SPAG17: variants seen among roughly 807,000 people sequenced by gnomAD.
The protein encoded by SPAG17 is sperm associated antigen 17, also known as sperm-associated antigen 17.
In SPAG17, 169 loss-of-function variants were observed where a neutral mutation model predicts 273.6. The observed-to-expected ratio is 0.62, with a 90% CI of 0.55 to 0.70. The LOEUF (loss-of-function observed/expected upper bound fraction) is 0.70, where lower values mean the gene tolerates loss of function less well. SPAG17 is among the 30% of genes least tolerant of loss of function. The pLI is 0.00. For missense variants in SPAG17, 2,557 were observed against 2,627.8 expected (o/e 0.97, Z 0.59); for synonymous variants, 825 against 873.2 (o/e 0.94, Z 0.97).
At chr1:117,964,502 CTTTGGCTAGTTT>C (rs1653559032) in intron 47 of SPAG17, 1 of 152,016 alleles carries the variant, frequency 6.6e-6, no homozygotes, top group African/African-American at 2.4e-5. Context: ...AAAACTAGTT[CTTTGGCTAGTTT>C]CCTTCTGTCA....
chr1:118,170,317 T>C (rs1660361125), intron 1 of SPAG17, among the ~76,000 whole-genome samples: 1 of 152,158 alleles, frequency 6.6e-6, no homozygotes, highest in Admixed American at 6.5e-5. Context: ...ATGAAATACA[T>C]AGCAACTACT....
At chr1:117,996,265 G>C in intron 34 of SPAG17, 105 bp downstream of exon 34, 2 of 1,362,898 alleles carry the variant, frequency 1.5e-6, no homozygotes, top group Non-Finnish European at 2.0e-6. Context: ...GCAGAAAAGT[G>C]AGCAAAGCGG....
chr1:118,135,370 AATGTGT>A (rs1658281844), intron 3 of SPAG17, among the ~76,000 whole-genome samples: 1 of 125,820 alleles, frequency 7.9e-6, no homozygotes, highest in Non-Finnish European at 1.7e-5. Context: ...CAGCTCAAGC[AATGTGT>A]GTGTGTGTGT....
At chr1:118,147,787 T>C (rs1193613409) in intron 3 of SPAG17, among the ~76,000 whole-genome samples, 6 of 152,218 alleles carry the variant, frequency 3.9e-5, no homozygotes, top group Non-Finnish European at 8.8e-5. Context: ...ATGTGGTCTT[T>C]GCTAGCCCAG....
intron 1 of SPAG17, among the ~76,000 whole-genome samples, chr1:118,161,101 G>T (rs950731817): frequency 3.9e-5 from 6 of 152,192 alleles, no homozygotes; most frequent in African/African-American, 9.6e-5. Context: ...CAAACTAAGG[G>T]ATACACAAAA....
At chr1:118,145,581 G>A (rs781648366) in intron 3 of SPAG17, among the ~76,000 whole-genome samples, 5 of 151,930 alleles carry the variant, frequency 3.3e-5, no homozygotes, top group Non-Finnish European at 5.9e-5. Flanking sequence ...TCTAATATCA[G>A]AAAAATCTTT....
At chr1:118,006,614 T>C (rs1044682586) in intron 31 of SPAG17, among the ~76,000 whole-genome samples, 3 of 152,200 alleles carry the variant, frequency 2.0e-5, no homozygotes, top group African/African-American at 4.8e-5. Context: ...AGGAGTGGAA[T>C]TGCTGGGTCA....
chr1:118,108,809 A>T (rs910728883), intron 4 of SPAG17, among the ~76,000 whole-genome samples: 3 of 152,036 alleles, frequency 2.0e-5, no homozygotes, highest in African/African-American at 7.2e-5. Context: ...TAAGTTACAT[A>T]GCATATGTGA....
intron 3 of SPAG17, among the ~76,000 whole-genome samples, chr1:118,136,720 A>G (rs1254320949): frequency 6.6e-6 from 1 of 152,206 alleles, no homozygotes; most frequent in African/African-American, 2.4e-5. Context: ...GCTTTCAGAA[A>G]GGGAAAGCAC....
rs552233157 is a variant in SPAG17 at position 118,086,800 on chromosome 1, C to T, written c.1498-16G>A. On this transcript the variant is annotated splice_polypyrimidine_tract_variant and intron_variant, in intron 11 of 48. Coordinates refer to ENST00000336338, the MANE Select transcript of SPAG17 (RefSeq NM_206996.4). ...CATGAAGATTCTATGCAAATTGAAA[C>T]AATATTGATTTAAAGAGAGGATCTA... 3.1e-6 allele frequency: 5 copies of T among 1,613,966 alleles called. No individual in the cohort carries two copies. Among genetic ancestry groups the T allele is most frequent in the East Asian group, 4.5e-5 (2 of 44,872 alleles).
chr1:117,971,571 CT>C (rs1174140932), intron 45 of SPAG17, among the ~76,000 whole-genome samples: 11 of 152,156 alleles, frequency 7.2e-5, no homozygotes, highest in African/African-American at 2.4e-4. Flanking sequence ...CAACCTCCCC[CT>C]TTTTTTCCAC....
intron 7 of SPAG17, among the ~76,000 whole-genome samples, chr1:118,093,846 C>T (rs1570681871): frequency 6.6e-6 from 1 of 152,216 alleles, no homozygotes; most frequent in Non-Finnish European, 1.5e-5. Context: ...TTCCTTTCAC[C>T]TGTTCTACCT....
intron 42 of SPAG17, among the ~76,000 whole-genome samples, chr1:117,982,946 T>C (rs1207985379): frequency 6.6e-6 from 1 of 152,204 alleles, no homozygotes; most frequent in Non-Finnish European, 1.5e-5. Flanking sequence ...TTTTTCTCTG[T>C]TTCCTCTTGA....
chr1:118,106,579 G>A (rs1480530511), intron 4 of SPAG17, among the ~76,000 whole-genome samples: 3 of 152,172 alleles, frequency 2.0e-5, no homozygotes, highest in Admixed American at 6.5e-5. Context: ...CATGTTGGTA[G>A]ACAGCTGGCC....
At chr1:118,128,415 G>A (rs1483327450) in intron 3 of SPAG17, among the ~76,000 whole-genome samples, 2 of 151,966 alleles carry the variant, frequency 1.3e-5, no homozygotes, top group Non-Finnish European at 2.9e-5. Flanking sequence ...GATTGCTCTG[G>A]CTAGGACTTC....
chr1:118,056,980 C>CT lies in SPAG17; in HGVS notation c.2541-1067dup, dbSNP rs1173288943. On this transcript the variant is annotated intron_variant, in intron 18 of 48. Transcript: ENST00000336338. ...ATTACTCTTATTTTCTATTTTCTTT[C>CT]TTTTTTTTTTTTGAGACTGAGTCTC... Among the ~76,000 whole-genome samples the CT allele has an allele frequency of 8.9e-3, 1,295 of 145,064 alleles. 12 individuals carry two copies. Among genetic ancestry groups the CT allele is most frequent in the African/African-American group, 0.029 (1,147 of 39,806 alleles).
intron 1 of SPAG17, among the ~76,000 whole-genome samples, chr1:118,182,050 C>T (rs187822426): frequency 2.4e-4 from 37 of 152,006 alleles, no homozygotes; most frequent in Admixed American, 2.4e-3. Flanking sequence ...TTAGCACACC[C>T]ACAGCCAAGA....
intron 32 of SPAG17, among the ~76,000 whole-genome samples, chr1:118,001,165 A>G (rs1300807874): frequency 6.6e-6 from 1 of 152,158 alleles, no homozygotes; most frequent in Admixed American, 6.5e-5. Flanking sequence ...CATCCTGTGA[A>G]TGAAGCCGAC....
intron 3 of SPAG17, among the ~76,000 whole-genome samples, chr1:118,134,347 T>C (rs1274430061): frequency 1.3e-5 from 2 of 152,184 alleles, no homozygotes; most frequent in African/African-American, 4.8e-5. Context: ...TATAATATAA[T>C]TCCTATTTTA....
Sources: allele counts gnomAD v4.1 joint callset (sites outside exome capture counted in the v4.1 genomes callset), GRCh38; gene constraint gnomAD v4.1.1; transcripts MANE v1.5; gene names NCBI Gene and HGNC (gene_info 2026-07-23, HGNC 2026-07-21).